BRME1: variants seen among roughly 807,000 people sequenced by gnomAD.
BRME1 encodes the protein break repair meiotic recombinase recruitment factor 1.
In BRME1, 31 loss-of-function variants were observed where a neutral mutation model predicts 52.6. That is an observed-to-expected ratio of 0.59 (90% confidence interval 0.44 to 0.80). BRME1 has a LOEUF of 0.80. BRME1 is among the 30% of genes least tolerant of loss of function. The probability of loss-of-function intolerance (pLI) is 0.00; values close to 1 mark genes in which losing one functional copy is unlikely to be tolerated. For missense variants in BRME1, 804 were observed against 860.3 expected, an observed-to-expected ratio of 0.93 and a Z score of 0.82; for synonymous variants, 359 against 353.6, an observed-to-expected ratio of 1.02 and a Z score of -0.17.
At chr19:13,901,944 G>A (rs1345490457) in intron 2 of BRME1, among the ~76,000 whole-genome samples, 1 of 151,812 alleles carries the variant, frequency 6.6e-6, no homozygotes, top group Non-Finnish European at 1.5e-5. Context: ...GGAGGCTGAG[G>A]TGGGAAGATC....
At chr19:13,891,723 C>G (rs1969516408) in intron 5 of BRME1, among the ~76,000 whole-genome samples, 1 of 151,014 alleles carries the variant, frequency 6.6e-6, no homozygotes, top group Non-Finnish European at 1.5e-5. Flanking sequence ...CCTGCCTCGG[C>G]CTCCCAAAGT....
chr19:13,902,659 C>T (rs995429040), intron 2 of BRME1, among the ~76,000 whole-genome samples: 1 of 150,570 alleles, frequency 6.6e-6, no homozygotes, highest in South Asian at 2.1e-4. Flanking sequence ...GGGCTGGGCG[C>T]GGTGGCCTAC....
chr19:13,904,803 C>T, intron 2 of BRME1, 59 bp downstream of exon 2: 1 of 1,564,574 alleles, frequency 6.4e-7, no homozygotes, highest in South Asian at 1.1e-5. Flanking sequence ...ATAAACAAGC[C>T]CACATTCTTC....
rs768989799 is a variant in BRME1, at chr19:13,890,432, G to A, written c.424C>T (p.Pro142Ser). Reference protein sequence around the residue: ...ETIAESSAQSPGCQLLVETLG... With the variant: ...ETIAESSAQSSGCQLLVETLG... ...GTCTCCACTAGCAGCTGGCATCCTG[G>A]ACTCTGGGCGCTGGACTCTGCGATT... Residue 142 changes from proline to serine, a missense_variant, in exon 6 of 9, where the codon CCA (proline) becomes TCA (serine). Physicochemically the swap from Pro to Ser is moderately conservative, Grantham distance 74. Coordinates refer to ENST00000586783, the MANE Select transcript of BRME1 (RefSeq NM_001345843.2). The A allele has an allele frequency of 6.6e-7, 1 of 1,513,276 alleles. No individual in the cohort carries two copies. Among genetic ancestry groups the A allele is most frequent in the Non-Finnish European group, 8.8e-7 (1 of 1,137,994 alleles). 93.7% of individuals were successfully genotyped at this position (1,513,276 alleles called of 1,614,324 possible). A position where few individuals can be genotyped will look rare whatever the true frequency, so the allele number is the denominator to read the frequency against.
chr19:13,889,679 C>T lies in BRME1; in HGVS notation c.1177G>A (p.Glu393Lys), dbSNP rs1969318591. ...ALPGCTSLTG[E>K]TTGESGEAGQ... ...GCCTCCCCACTTTCTCCTGTGGTTTCCCCAGTGAGCGAGGTGCAGCCTGGC... is the reference window on the plus strand; with the variant it reads ...GCCTCCCCACTTTCTCCTGTGGTTTTCCCAGTGAGCGAGGTGCAGCCTGGC... The change falls in exon 6 of 9, where the codon GAA becomes AAA. Residue 393 changes from glutamate to lysine, a missense_variant. Transcript: ENST00000586783. 6.2e-7 allele frequency: 1 copy of T among 1,610,060 alleles called. No homozygotes were observed. Among genetic ancestry groups the T allele is most frequent in the African/African-American group, 1.3e-5 (1 of 74,918 alleles).
At chr19:13,889,106 A>T (rs1969251637) in intron 6 of BRME1, 82 bp downstream of exon 6, 1 of 1,319,924 alleles carries the variant, frequency 7.6e-7, no homozygotes, top group South Asian at 1.5e-5. Flanking sequence ...CCCCTCTGCC[A>T]CTGCACCGAG....
rs897518311 is a variant in BRME1 at position 13,897,259 on chromosome 19, G to C, written c.32-1713C>G. On this transcript the variant is annotated intron_variant, in intron 2 of 8. Coordinates refer to ENST00000586783, the MANE Select transcript of BRME1 (RefSeq NM_001345843.2). The stretch of plus-strand genomic sequence containing the variant: ...TCACCATGTTGGCCAGGATGGTCTC[G>C]ATCTCTTGACCTCATGATCCGCCCG... 4.0e-5 allele frequency among the ~76,000 whole-genome samples: 6 copies of C among 150,394 alleles called. No individual in the cohort carries two copies. The East Asian group carries it at 1.2e-3, about 30-fold the overall frequency.
rs1385913277 is a variant in BRME1, at chr19:13,883,363, T to C, written c.1801A>G (p.Met601Val). 1 of 1,535,246 alleles carries C rather than the reference T, an allele frequency of 6.5e-7. No homozygotes were observed. Among genetic ancestry groups the C allele is most frequent in the Non-Finnish European group, 8.7e-7 (1 of 1,146,242 alleles). The change falls in exon 8 of 9, where the codon ATG becomes GTG. Residue 601 changes from methionine to valine, a missense_variant. Transcript: ENST00000586783. This position sits in a 1 kb window ranked among gnomAD's most constrained non-coding sequence, Gnocchi z 4.2. ...VGIQASEASR[M>V]EDATNVVRGL... ...CGCACGACGTTGGTGGCATCCTCCA[T>C]CCTGGAGGCCTCAGAGGCCTGGATC...
chr19:13,893,653 G>A (rs1476937283), intron 3 of BRME1, among the ~76,000 whole-genome samples: 4 of 152,176 alleles, frequency 2.6e-5, no homozygotes, highest in African/African-American at 7.2e-5. Context: ...GCTGGGCGTG[G>A]TGGCTCATCC....
In BRME1 at chr19:13,885,982, G is replaced by A. The variant is rs903858127; in HGVS notation, c.1742C>T (p.Ala581Val). Residue 581 changes from alanine to valine, a missense_variant, in exon 7 of 9, where the codon GCA becomes GTA. Transcript: ENST00000586783. ...PSSHANGDPV[A>V]VAKAQPRTFV... is the part of the protein sequence containing the mutation. ...CTACCTCGGCTGGGCCTTGGCCACT[G>A]CAACAGGGTCTCCATTGGCATGTGA... is the stretch of plus-strand genomic sequence containing the variant. 2 of 1,613,948 alleles carry A rather than the reference G, an allele frequency of 1.2e-6. No individual in the cohort carries two copies.
intron 7 of BRME1, among the ~76,000 whole-genome samples, chr19:13,884,680 C>T (rs1257005849): frequency 6.6e-6 from 1 of 152,066 alleles, no homozygotes; most frequent in African/African-American, 2.4e-5. Context: ...AACACCTCCC[C>T]CACCCCACAG....
intron 7 of BRME1, chr19:13,884,842 CCT>C (rs1156620250): frequency 4.6e-5 from 7 of 152,354 alleles, no homozygotes; most frequent in Non-Finnish European, 1.0e-4. Context: ...CCTTGGTCAC[CCT>C]GAGGTGTCTG....
At position 13,889,720 on chromosome 19, in the gene BRME1, C is replaced by A; in HGVS notation, c.1136G>T (p.Gly379Val). ...ASPRRKAADG[G>V]HRRALPGCTS... ...GCAGCCTGGCAAGGCCCTCCTGTGG[C>A]CTCCATCAGCGGCCTTCCTCCTGGG... The change falls in exon 6 of 9, where the codon GGC becomes GTC. Residue 379 changes from glycine (G) to valine (V), a missense_variant. This residue lies in a region of BRME1 where 552 missense variants were observed against 561.1 expected (regional missense o/e 0.98). Transcript: ENST00000586783. 6.2e-7 allele frequency: 1 copy of A among 1,608,240 alleles called. No homozygotes were observed.
chr19:13,889,230 C>T lies in BRME1; in HGVS notation c.1626G>A (p.Gln542=), dbSNP rs749862822. 5 of 1,610,860 alleles carry T rather than the reference C, an allele frequency of 3.1e-6. No individual in the cohort carries two copies. The highest frequency in any genetic ancestry group is 4.2e-6 in the Non-Finnish European group (5 of 1,178,172). The part of the protein sequence containing the change: ...ELDFLLDSQI[Q]DALDASDFEA... ...CGAAGTCAGAGGCGTCCAGGGCATC[C>T]TGTATCTGGCTGTCCAGCAGGAAGT... is the stretch of plus-strand genomic sequence containing the variant. Residue 542 remains glutamine (Q), a synonymous_variant, in exon 6 of 9, where the codon CAG becomes CAA. Coordinates refer to ENST00000586783, the MANE Select transcript of BRME1 (RefSeq NM_001345843.2).
chr19:13,891,714 C>A (rs796190761), intron 5 of BRME1, among the ~76,000 whole-genome samples: 1 of 151,756 alleles, frequency 6.6e-6, no homozygotes, highest in South Asian at 2.1e-4. Context: ...AGTGATCCTC[C>A]TGCCTCGGCC....
chr19:13,890,212 T>C lies in BRME1; in HGVS notation c.644A>G (p.Gln215Arg). The C allele has an allele frequency of 6.2e-7, 1 of 1,614,170 alleles. No individual in the cohort carries two copies. The change falls in exon 6 of 9, where the codon CAA becomes CGA. Residue 215 changes from glutamine (Q) to arginine (R), a missense_variant. Gln to Arg is a conservative substitution (Grantham distance 43, BLOSUM62 1). Coordinates refer to ENST00000586783, the MANE Select transcript of BRME1 (RefSeq NM_001345843.2). ...CTCAGGCTTGCTGTCATCGGCCCCTTGTTCTGACAGGTGGTCTTGGCTGGC... is the reference window on the plus strand; with the variant it reads ...CTCAGGCTTGCTGTCATCGGCCCCTCGTTCTGACAGGTGGTCTTGGCTGGC... ...QRASQDHLSE[Q>R]GADDSKPETD...
rs772301760 is a variant in BRME1, at chr19:13,882,860, T to G, written c.1949A>C (p.Tyr650Ser). The G allele has an allele frequency of 1.2e-6, 2 of 1,613,748 alleles. No homozygotes were observed. Among genetic ancestry groups the G allele is most frequent in the Non-Finnish European group, 1.7e-6 (2 of 1,179,944 alleles). Residue 650 changes from tyrosine to serine, a missense_variant, in exon 9 of 9, where the codon TAC becomes TCC. Physicochemically the swap from Tyr to Ser is moderately radical, Grantham distance 144. Coordinates refer to ENST00000586783, the MANE Select transcript of BRME1 (RefSeq NM_001345843.2). Reference protein sequence around the residue: ...TKLGGKAPLPYPSKGPGNIPR... With the variant: ...TKLGGKAPLPSPSKGPGNIPR... ...GATATTCCCAGGCCCCTTGGAAGGG[T>G]AAGGCAGGGGGGCTTTGCCTCCCAG...
In BRME1 at chr19:13,882,375, T is replaced by C; in HGVS notation, c.*427A>G. The C allele has an allele frequency of 2.5e-6, 1 of 403,600 alleles. No individual in the cohort carries two copies. Among genetic ancestry groups the C allele is most frequent in the African/African-American group, 2.1e-5 (1 of 48,778 alleles). The allele number at this position is 403,600 out of a possible 1,614,324, so 25.0% of individuals were successfully genotyped here. On this transcript the variant is annotated 3_prime_UTR_variant, in exon 9 of 9. Transcript: ENST00000586783. ...ACGGGGCCTCTACAGAATCATTTAT[T>C]ATGGGTCTTCCCAGAAGAAATAAAA...
intron 6 of BRME1, among the ~76,000 whole-genome samples, chr19:13,886,658 G>C (rs1969045721): frequency 6.6e-6 from 1 of 152,102 alleles, no homozygotes; most frequent in Non-Finnish European, 1.5e-5. Flanking sequence ...GGTGACCTAT[G>C]ATGTCCCTCA....
Sources: gnomAD v4.1 joint callset for allele counts (sites outside exome capture counted in the v4.1 genomes callset) on GRCh38, gnomAD v4.1.1 for gene constraint, gnomAD v4.1.1 regional missense constraint, Gnocchi (gnomAD v3.1) non-coding constraint, MANE v1.5 for transcripts, NCBI Gene and HGNC (gene_info 2026-07-23, HGNC 2026-07-21) for gene names.